PFDN1: variants seen among roughly 807,000 people sequenced by gnomAD.
The protein encoded by PFDN1 is prefoldin 1.
In PFDN1, 6 loss-of-function variants were observed where a neutral mutation model predicts 17.3. The ratio of observed to expected loss-of-function variants is 0.35; its 90% confidence interval spans 0.19 to 0.69. The LOEUF (loss-of-function observed/expected upper bound fraction) is 0.69, where lower values mean the gene tolerates loss of function less well. Ranked by LOEUF, PFDN1 falls within the 30% of genes least tolerant of loss-of-function variation. PFDN1 has a pLI of 0.65. For missense variants in PFDN1, 113 were observed against 146.2 expected (o/e 0.77, Z 1.17); for synonymous variants, 58 against 50.1 (o/e 1.16, Z -0.67).
chr5:140,293,998 T>C (rs754358883), intron 2 of PFDN1, among the ~76,000 whole-genome samples: 3 of 152,086 alleles, frequency 2.0e-5, no homozygotes, highest in Admixed American at 6.5e-5. Context: ...GTTCTATTAG[T>C]AAAAGCAGCT....
chr5:140,280,008 AAAAAAC>A (rs1441521978), intron 3 of PFDN1, among the ~76,000 whole-genome samples: 7 of 143,602 alleles, frequency 4.9e-5, no homozygotes, highest in South Asian at 2.1e-4. Flanking sequence ...AAAAAAAAAA[AAAAAAC>A]AAAAAAAGAA....
intron 3 of PFDN1, among the ~76,000 whole-genome samples, chr5:140,255,864 A>C (rs1764978006): frequency 6.6e-6 from 1 of 152,004 alleles, no homozygotes; most frequent in Non-Finnish European, 1.5e-5. Context: ...AACTTCTTGA[A>C]TCGGTTTTCT....
rs1344363662 is a variant in PFDN1, at chr5:140,284,170, T to G, written c.201-2637A>C. ...CGTTTTTCCATGACCACATATCCTT[T>G]GAGGTAGCTATACTGGACTGTGCCA... is the stretch of plus-strand genomic sequence containing the variant. On this transcript the variant is annotated intron_variant, in intron 2 of 3. Transcript: ENST00000261813. Among the ~76,000 whole-genome samples the G allele has an allele frequency of 1.4e-4, 21 of 152,338 alleles. No homozygotes were observed. The East Asian group carries it at 3.5e-3, about 25-fold the overall frequency.
At chr5:140,248,226 G>GC (rs1157546469) in intron 3 of PFDN1, among the ~76,000 whole-genome samples, 3 of 151,752 alleles carry the variant, frequency 2.0e-5, no homozygotes. Context: ...ACACCACCAC[G>GC]CTGGCTAATT....
rs145830713 is a variant in PFDN1, at chr5:140,300,442, A to G, written c.174T>C (p.Thr58=). 27,579 of 1,609,182 alleles carry G rather than the reference A, an allele frequency of 0.017. 495 individuals are homozygous for G. The highest frequency in any genetic ancestry group is 0.085 in the Admixed American group (5,092 of 59,798). ...TTCTTCCTACACCTTCATACATGTT[A>G]GTCTCATCTACCAAAGTCATGATCT... ...DTEIMTLVDE[T]NMYEGVGRMF... Residue 58 remains threonine (T), a synonymous_variant, in exon 2 of 4, where the codon ACT becomes ACC. Transcript: ENST00000261813.
At chr5:140,286,304 C>T (rs1307180540) in intron 2 of PFDN1, among the ~76,000 whole-genome samples, 1 of 148,988 alleles carries the variant, frequency 6.7e-6, no homozygotes, top group African/African-American at 2.5e-5. Context: ...CCCAGCTACT[C>T]GAGAGGCTGA....
chr5:140,250,824 C>A (rs1029725613), intron 3 of PFDN1, among the ~76,000 whole-genome samples: 2 of 152,242 alleles, frequency 1.3e-5, no homozygotes, highest in African/African-American at 4.8e-5. Flanking sequence ...CTCTCACCCC[C>A]TGCCCCTGGA....
chr5:140,257,354 C>T (rs970857492), intron 3 of PFDN1, among the ~76,000 whole-genome samples: 1 of 152,124 alleles, frequency 6.6e-6, no homozygotes, highest in African/African-American at 2.4e-5. Flanking sequence ...CTACTCTGTC[C>T]CCCTTTCACT....
chr5:140,246,190 T>G lies in PFDN1; in HGVS notation c.286-133A>C, dbSNP rs145155934. ...TTTCAGGAGTATACTGCAAGCCAGG[T>G]ACACACACCTGCCCACAGTGCTCCC... On this transcript the variant is annotated intron_variant, in intron 3 of 3. Coordinates refer to ENST00000261813, the MANE Select transcript of PFDN1 (RefSeq NM_002622.5). The G allele has an allele frequency of 4.6e-4, 307 of 662,758 alleles. No homozygotes were observed. The African/African-American group carries it at 4.7e-3, about 10-fold the overall frequency. 41.1% of individuals were successfully genotyped at this position (662,758 alleles called of 1,614,324 possible).
chr5:140,255,736 T>C (rs192534828), intron 3 of PFDN1, among the ~76,000 whole-genome samples: 59 of 152,238 alleles, frequency 3.9e-4, no homozygotes, highest in Admixed American at 1.4e-3. Flanking sequence ...ACCATTAACC[T>C]TCCTTTCTTC....
At chr5:140,285,147 T>C (rs1475522117) in intron 2 of PFDN1, among the ~76,000 whole-genome samples, 1 of 152,114 alleles carries the variant, frequency 6.6e-6, no homozygotes, top group Non-Finnish European at 1.5e-5. Flanking sequence ...TCACTTTGGG[T>C]GGGAAATTTT....
intron 2 of PFDN1, among the ~76,000 whole-genome samples, chr5:140,296,284 G>C (rs567086410): frequency 6.6e-6 from 1 of 151,990 alleles, no homozygotes; most frequent in Non-Finnish European, 1.5e-5. Context: ...CCAGAAAAAA[G>C]AATCAGATTC....
chr5:140,272,362 C>A (rs1037795071), intron 3 of PFDN1, among the ~76,000 whole-genome samples: 2 of 66,404 alleles, frequency 3.0e-5, no homozygotes, highest in African/African-American at 1.8e-4. Context: ...GTGGTAAAAC[C>A]ATTTTTTTTT....
intron 3 of PFDN1, among the ~76,000 whole-genome samples, chr5:140,271,505 C>A (rs1765205228): frequency 6.6e-6 from 1 of 152,048 alleles, no homozygotes; most frequent in African/African-American, 2.4e-5. Flanking sequence ...AAAAAGACAT[C>A]CATAAGTGTC....
chr5:140,279,995 C>CAAAAA (rs772575762), intron 3 of PFDN1, among the ~76,000 whole-genome samples: 182 of 30,264 alleles, frequency 6.0e-3, no homozygotes, highest in South Asian at 6.9e-3. Context: ...AACTCCGTCT[C>CAAAAA]AAAAAAAAAA....
chr5:140,253,843 C>G (rs1240408397), intron 3 of PFDN1, among the ~76,000 whole-genome samples: 1 of 152,208 alleles, frequency 6.6e-6, no homozygotes, highest in East Asian at 1.9e-4. Flanking sequence ...GTGCAGTCCT[C>G]TCCCAGCAGC....
chr5:140,261,161 CAAAAAAAAAAAA>C (rs773165928), intron 3 of PFDN1, among the ~76,000 whole-genome samples: 1 of 48,024 alleles, frequency 2.1e-5, no homozygotes, highest in African/African-American at 8.5e-5. Flanking sequence ...GACTCCATCT[CAAAAAAAAAAAA>C]AAAAAAAAGA....
In PFDN1 at chr5:140,257,267, G is replaced by GA. The variant is rs553448481; in HGVS notation, c.286-11211dup. Among the ~76,000 whole-genome samples, 37 of 148,830 alleles carry GA rather than the reference G, an allele frequency of 2.5e-4. 1 individual carries two copies. In the South Asian group the frequency reaches 7.9e-3, roughly 32 times the overall value. On this transcript the variant is annotated intron_variant, in intron 3 of 3. Transcript: ENST00000261813. ...CTCTAATGGTTTCACCTCACACTTA[G>GA]AAAACAAGCCAGACTCTTTAACCAA...
chr5:140,257,498 C>CA (rs1290401058), intron 3 of PFDN1, among the ~76,000 whole-genome samples: 2 of 152,202 alleles, frequency 1.3e-5, no homozygotes, highest in Non-Finnish European at 2.9e-5. Context: ...TCTTTTCATT[C>CA]ACATCTTAGC....
Sources: allele counts gnomAD v4.1 joint callset (sites outside exome capture counted in the v4.1 genomes callset), GRCh38; gene constraint gnomAD v4.1.1; transcripts MANE v1.5; gene names NCBI Gene and HGNC (gene_info 2026-07-23, HGNC 2026-07-21).